Variants in PTPRD observed in about 807,000 individuals in gnomAD.
The protein encoded by PTPRD is protein tyrosine phosphatase receptor type D.
A neutral mutation model predicts 214.5 loss-of-function variants in PTPRD; 34 were observed. The observed-to-expected ratio is 0.16, with a 90% CI of 0.12 to 0.21. The LOEUF is 0.21. Ranked by LOEUF, PTPRD falls within the 10% of genes least tolerant of loss-of-function variation. The pLI, the probability that PTPRD is intolerant of heterozygous loss-of-function variation, is 1.00. For missense variants in PTPRD, 2,545 were observed against 2,398.7 expected (o/e 1.06, Z -1.27); for synonymous variants, 1,128 against 845.7 (o/e 1.33, Z -5.79).
chr9:10,394,128 A>G (rs937922126), intron 2 of PTPRD, among the ~76,000 whole-genome samples: 94 of 146,158 alleles, frequency 6.4e-4, no homozygotes, highest in Admixed American at 6.3e-4. Context: ...ATATACATAT[A>G]TATCTTTATA....
rs374858431 is a variant in PTPRD, at chr9:10,228,251, T to A, written c.-545+112712A>T. On this transcript the variant is annotated intron_variant, in intron 3 of 45. Transcript: ENST00000381196. Reference sequence around the variant, plus strand: ...ACAAGTAATGGGCTTATTTCCAACATTGAACCTCAAGGAAGCTTTCCTGTT... The same window carrying A: ...ACAAGTAATGGGCTTATTTCCAACAATGAACCTCAAGGAAGCTTTCCTGTT... Among the ~76,000 whole-genome samples, 46 of 152,162 alleles carry A rather than the reference T, an allele frequency of 3.0e-4. 4 individuals carry two copies. Among genetic ancestry groups the A allele is most frequent in the Admixed American group, 1.2e-3 (19 of 15,246 alleles).
At chr9:9,289,357 G>T (rs1200673543) in intron 9 of PTPRD, among the ~76,000 whole-genome samples, 1 of 151,814 alleles carries the variant, frequency 6.6e-6, no homozygotes, top group East Asian at 2.0e-4. Context: ...ATTGAGATAT[G>T]ATTGACAAAT....
intron 7 of PTPRD, among the ~76,000 whole-genome samples, chr9:9,720,888 C>T (rs12336958): frequency 6.6e-5 from 10 of 151,944 alleles, no homozygotes; most frequent in South Asian, 4.1e-4. Flanking sequence ...AACTAATGCA[C>T]GGACATATAC....
At chr9:8,907,392 C>T (rs1367376490) in intron 11 of PTPRD, among the ~76,000 whole-genome samples, 2 of 151,384 alleles carry the variant, frequency 1.3e-5, no homozygotes, top group Non-Finnish European at 2.9e-5. Flanking sequence ...GTGGTGGTCA[C>T]CTGTAATCCC....
At chr9:10,222,637 G>A (rs1263357457) in intron 3 of PTPRD, among the ~76,000 whole-genome samples, 1 of 151,998 alleles carries the variant, frequency 6.6e-6, no homozygotes, top group African/African-American at 2.4e-5. Flanking sequence ...AGTAGCCCAA[G>A]GAACAGAAAT....
chr9:10,543,078 C>T (rs833450), intron 2 of PTPRD, among the ~76,000 whole-genome samples: 122,939 of 151,296 alleles, frequency 0.81, 50,664 homozygotes, highest in East Asian at 0.9. Context: ...AGAGATGGGG[C>T]TTATCCACGT....
intron 10 of PTPRD, among the ~76,000 whole-genome samples, chr9:9,129,521 G>A (rs2099839352): frequency 6.6e-6 from 1 of 152,142 alleles, no homozygotes. Flanking sequence ...ACCATAGGAA[G>A]TCTTGGTCCT....
intron 8 of PTPRD, among the ~76,000 whole-genome samples, chr9:9,475,987 T>C (rs2146800380): frequency 6.6e-6 from 1 of 152,212 alleles, no homozygotes; most frequent in South Asian, 2.1e-4. Context: ...TCCACTACAT[T>C]AAAAAGAGAA....
chr9:9,538,975 G>A (rs1207323065), intron 8 of PTPRD, among the ~76,000 whole-genome samples: 1 of 151,776 alleles, frequency 6.6e-6, no homozygotes, highest in African/African-American at 2.4e-5. Flanking sequence ...AGGCTCTGAT[G>A]ATAGAGCAGT....
At chr9:10,273,864 T>G (rs7848469) in intron 3 of PTPRD, among the ~76,000 whole-genome samples, 27,328 of 152,106 alleles carry the variant, frequency 0.18, 2,536 homozygotes, top group African/African-American at 0.22. Flanking sequence ...AATAGAGCAT[T>G]TTTGGAGCTA....
chr9:10,265,723 C>T (rs1271225086), intron 3 of PTPRD, among the ~76,000 whole-genome samples: 1 of 152,146 alleles, frequency 6.6e-6, no homozygotes, highest in Admixed American at 6.5e-5. Context: ...AACAAATAGG[C>T]AGCATCCGGA....
intron 6 of PTPRD, among the ~76,000 whole-genome samples, chr9:9,741,490 T>C: frequency 6.6e-6 from 1 of 152,084 alleles, no homozygotes; most frequent in Non-Finnish European, 1.5e-5. Flanking sequence ...AGTTCTGGGA[T>C]ACATGTGCAG....
intron 11 of PTPRD, among the ~76,000 whole-genome samples, chr9:8,992,948 T>G (rs2099383190): frequency 6.6e-6 from 1 of 152,144 alleles, no homozygotes; most frequent in Non-Finnish European, 1.5e-5. Flanking sequence ...TGCAATTTGC[T>G]TTCAAATTAC....
At chr9:9,193,691 T>TA (rs1464855952) in intron 9 of PTPRD, among the ~76,000 whole-genome samples, 2 of 152,048 alleles carry the variant, frequency 1.3e-5, no homozygotes, top group Non-Finnish European at 2.9e-5. Context: ...ATCTAAAAGA[T>TA]AAAAAATGGT....
Position 8,965,836 on chromosome 9 carries a change from A to C in PTPRD, c.-104+52861T>G, listed in dbSNP as rs893711720. Among the ~76,000 whole-genome samples the C allele has an allele frequency of 6.5e-4, 99 of 152,318 alleles. 1 individual carries two copies. Among genetic ancestry groups the C allele is most frequent in the African/African-American group, 2.4e-3 (98 of 41,582 alleles). On this transcript the variant is annotated intron_variant, in intron 11 of 45. Transcript: ENST00000381196. The stretch of plus-strand genomic sequence containing the variant: ...TAAAAGGCATCCAAATAGGAAAAGA[A>C]TAAGTCAAATTATTTCTCTTCACTG...
intron 7 of PTPRD, among the ~76,000 whole-genome samples, chr9:9,684,721 G>C (rs148333451): frequency 2.0e-5 from 3 of 151,554 alleles, no homozygotes; most frequent in Admixed American, 6.6e-5. Flanking sequence ...ATGTGTGTGT[G>C]TGTGGTTTTC....
At chr9:9,414,021 G>C (rs2076288374) in intron 8 of PTPRD, among the ~76,000 whole-genome samples, 1 of 152,078 alleles carries the variant, frequency 6.6e-6, no homozygotes, top group Admixed American at 6.5e-5. Context: ...TTTTCCTTTA[G>C]AAATGAGTAT....
chr9:9,409,647 A>G (rs1378424147), intron 8 of PTPRD, among the ~76,000 whole-genome samples: 1 of 152,170 alleles, frequency 6.6e-6, no homozygotes, highest in Non-Finnish European at 1.5e-5. Context: ...AAAGGAACCC[A>G]CCATAAGGGA....
intron 11 of PTPRD, among the ~76,000 whole-genome samples, chr9:8,820,369 A>G (rs1399896527): frequency 6.6e-6 from 1 of 152,162 alleles, no homozygotes; most frequent in Non-Finnish European, 1.5e-5. Flanking sequence ...AATATGAGGA[A>G]GAGAGTCTCT....
Sources: gnomAD v4.1 joint callset for allele counts (sites outside exome capture counted in the v4.1 genomes callset) on GRCh38, gnomAD v4.1.1 for gene constraint, MANE v1.5 for transcripts, NCBI Gene and HGNC (gene_info 2026-07-23, HGNC 2026-07-21) for gene names.